Variants in CENPW observed in about 807,000 individuals in gnomAD.
CENPW encodes centromere protein W.
CENPW carries 3 observed loss-of-function variants against 11.1 expected under a neutral mutation model. The observed-to-expected ratio is 0.27, with a 90% confidence interval of 0.12 to 0.70. The LOEUF (loss-of-function observed/expected upper bound fraction) is 0.70. CENPW is among the 30% of genes least tolerant of loss of function. The pLI is 0.77. For missense variants in CENPW, 100 were observed against 105.6 expected (o/e 0.95, Z 0.23); for synonymous variants, 38 against 42.0 (o/e 0.91, Z 0.37).
the CENPW span, among the ~76,000 whole-genome samples, chr6:126,371,352 G>GT: frequency 6.6e-6 from 1 of 151,998 alleles, no homozygotes; most frequent in African/African-American, 2.4e-5. Context: ...TAATAATATG[G>GT]TTTTTGTTTT....
chr6:126,451,470 C>T, the CENPW span, among the ~76,000 whole-genome samples: 2 of 151,158 alleles, frequency 1.3e-5, no homozygotes, highest in Middle Eastern at 6.8e-3. Flanking sequence ...CCTCTAGTTC[C>T]AGCTCGAGGA....
the CENPW span, among the ~76,000 whole-genome samples, chr6:126,385,173 T>C: frequency 6.6e-6 from 1 of 152,136 alleles, no homozygotes; most frequent in African/African-American, 2.4e-5. Context: ...GTAAATTAGT[T>C]TAACCATTGT....
chr6:126,393,054 T>C, the CENPW span, among the ~76,000 whole-genome samples: 1 of 151,936 alleles, frequency 6.6e-6, no homozygotes, highest in Non-Finnish European at 1.5e-5. Context: ...TGTCCGTTTC[T>C]TTTAGATTTT....
At chr6:126,398,353 T>C in the CENPW span, among the ~76,000 whole-genome samples, 1 of 152,190 alleles carries the variant, frequency 6.6e-6, no homozygotes, top group South Asian at 2.1e-4. Context: ...AAATATGTGT[T>C]GAAACACTAT....
the CENPW span, among the ~76,000 whole-genome samples, chr6:126,416,935 A>T: frequency 6.6e-6 from 1 of 152,178 alleles, no homozygotes; most frequent in East Asian, 1.9e-4. Context: ...AACTGTGAGA[A>T]GAAGACCACC....
chr6:126,387,928 G>A, the CENPW span, among the ~76,000 whole-genome samples: 2 of 152,042 alleles, frequency 1.3e-5, no homozygotes, highest in Non-Finnish European at 2.9e-5. Flanking sequence ...GAGCCCGACT[G>A]ACTTCTAGTA....
the CENPW span, among the ~76,000 whole-genome samples, chr6:126,440,804 A>G: frequency 6.6e-6 from 1 of 151,518 alleles, no homozygotes; most frequent in Non-Finnish European, 1.5e-5. Context: ...AGGATTTGAA[A>G]GGACTGGAGA....
At chr6:126,472,933 T>C in the CENPW span, among the ~76,000 whole-genome samples, 216 of 152,320 alleles carry the variant, frequency 1.4e-3, 1 homozygote, top group African/African-American at 5.0e-3. Context: ...TTTTATCTAA[T>C]AGAATATGCT....
the CENPW span, among the ~76,000 whole-genome samples, chr6:126,412,572 G>C: frequency 6.6e-6 from 1 of 151,932 alleles, no homozygotes; most frequent in Non-Finnish European, 1.5e-5. Flanking sequence ...CTTTTTCATT[G>C]TGTGACTAAT....
the CENPW span, among the ~76,000 whole-genome samples, chr6:126,389,809 ACT>A: frequency 1.7e-3 from 263 of 151,938 alleles, no homozygotes; most frequent in Middle Eastern, 6.8e-3. Context: ...AGAAGGTGAA[ACT>A]CAGCTTAAAT....
chr6:126,398,889 C>T, the CENPW span, among the ~76,000 whole-genome samples: 2 of 151,624 alleles, frequency 1.3e-5, no homozygotes, highest in African/African-American at 4.8e-5. Flanking sequence ...GGTTAGCTCC[C>T]ACTTATAAGT....
At chr6:126,462,004 T>G in the CENPW span, among the ~76,000 whole-genome samples, 6 of 152,044 alleles carry the variant, frequency 3.9e-5, no homozygotes, top group African/African-American at 1.4e-4. Context: ...ACTAAAATAT[T>G]AGAAACTTAG....
the CENPW span, among the ~76,000 whole-genome samples, chr6:126,467,939 CA>C: frequency 6.6e-6 from 1 of 152,026 alleles, no homozygotes; most frequent in African/African-American, 2.4e-5. Context: ...TTTCCTTCCC[CA>C]AACTTGTAAC....
chr6:126,404,580 C>T, the CENPW span, among the ~76,000 whole-genome samples: 2 of 152,004 alleles, frequency 1.3e-5, no homozygotes, highest in East Asian at 3.9e-4. Flanking sequence ...TTTTGAGAAA[C>T]CTCCATACTT....
chr6:126,467,682 C>T, the CENPW span, among the ~76,000 whole-genome samples: 2 of 151,980 alleles, frequency 1.3e-5, no homozygotes, highest in African/African-American at 4.8e-5. Flanking sequence ...ATCTCCCAGA[C>T]AGAAAAATTG....
At chr6:126,387,616 T>C in the CENPW span, among the ~76,000 whole-genome samples, 1 of 151,972 alleles carries the variant, frequency 6.6e-6, no homozygotes, top group East Asian at 1.9e-4. Flanking sequence ...CATGAATCAG[T>C]CGATATAATT....
the CENPW span, among the ~76,000 whole-genome samples, chr6:126,426,448 C>A: frequency 6.6e-6 from 1 of 152,082 alleles, no homozygotes; most frequent in Admixed American, 6.6e-5. Flanking sequence ...CAGTTGGAGA[C>A]CACTCCATGT....
At chr6:126,478,890 CTT>C in the CENPW span, among the ~76,000 whole-genome samples, 1 of 151,976 alleles carries the variant, frequency 6.6e-6, no homozygotes, top group African/African-American at 2.4e-5. Context: ...ATGAAGAAAA[CTT>C]TGGCTTCTGT....
At chr6:126,432,148 T>A in the CENPW span, among the ~76,000 whole-genome samples, 5 of 152,112 alleles carry the variant, frequency 3.3e-5, no homozygotes, top group East Asian at 9.7e-4. Flanking sequence ...TTACTTCAAT[T>A]CAAAGGTTTT....
Sources: allele counts gnomAD v4.1 joint callset (sites outside exome capture counted in the v4.1 genomes callset), GRCh38; gene constraint gnomAD v4.1.1; transcripts MANE v1.5; gene names NCBI Gene and HGNC (gene_info 2026-07-23, HGNC 2026-07-21).